LINGO2: variants seen among roughly 807,000 people sequenced by gnomAD.
LINGO2 encodes leucine-rich repeat and immunoglobulin-like domain-containing nogo receptor-interacting protein 2.
In LINGO2, 14 loss-of-function variants were observed where a neutral mutation model predicts 30.6. The observed-to-expected ratio is 0.46, with a 90% confidence interval of 0.30 to 0.72. LINGO2 has a LOEUF of 0.72. LINGO2 is among the 30% of genes least tolerant of loss of function. The probability of loss-of-function intolerance (pLI) is 0.07; values close to 1 mark genes in which losing one functional copy is unlikely to be tolerated. For missense variants in LINGO2, 729 were observed against 751.7 expected, an observed-to-expected ratio of 0.97 and a Z score of 0.35; for synonymous variants, 317 against 288.5, an observed-to-expected ratio of 1.10 and a Z score of -1.00.
chr9:28,263,455 A>G (rs1327248336), intron 4 of LINGO2, among the ~76,000 whole-genome samples: 1 of 152,018 alleles, frequency 6.6e-6, no homozygotes, highest in East Asian at 1.9e-4. Flanking sequence ...GGACGTGTAC[A>G]TGAGAAAGCA....
chr9:29,098,305 C>T, the LINGO2 span, among the ~76,000 whole-genome samples: 2 of 152,090 alleles, frequency 1.3e-5, no homozygotes, highest in African/African-American at 2.4e-5. Context: ...ACTGCTTACA[C>T]TTTAATTATT....
Position 28,148,952 on chromosome 9 carries a change from C to T in LINGO2, c.-86-136547G>A. 6.5e-7 allele frequency: 1 copy of T among 1,534,084 alleles called. No homozygotes were observed. Among genetic ancestry groups the T allele is most frequent in the Admixed American group, 2.0e-5 (1 of 51,002 alleles). On this transcript the variant is annotated intron_variant, in intron 4 of 5. Transcript: ENST00000379992. The surrounding 1 kb of genome is among the most constrained non-coding windows in gnomAD (Gnocchi z 5.1). The stretch of plus-strand genomic sequence containing the variant: ...ACACAGAGCTGCCGGCCACAGTTCC[C>T]ACAAAAGAAAACTGTCGGGGCCACC...
intron 2 of LINGO2, among the ~76,000 whole-genome samples, chr9:28,446,291 ATG>A (rs1200136989): frequency 6.6e-6 from 1 of 152,172 alleles, no homozygotes; most frequent in African/African-American, 2.4e-5. Context: ...TGAATTGCAC[ATG>A]TCTCTCCATT....
intron 1 of LINGO2, among the ~76,000 whole-genome samples, chr9:28,655,330 A>T (rs758331924): frequency 6.6e-6 from 1 of 152,042 alleles, no homozygotes; most frequent in Non-Finnish European, 1.5e-5. Flanking sequence ...TCTTTACCCA[A>T]TGCCTGCACC....
chr9:28,782,031 G>A, the LINGO2 span, among the ~76,000 whole-genome samples: 1 of 152,052 alleles, frequency 6.6e-6, no homozygotes, highest in Non-Finnish European at 1.5e-5. Flanking sequence ...GTTGGAATGA[G>A]GAATAATTGA....
At chr9:28,897,965 A>G in the LINGO2 span, among the ~76,000 whole-genome samples, 129,410 of 151,956 alleles carry the variant, frequency 0.85, 55,280 homozygotes, top group Non-Finnish European at 0.89. Flanking sequence ...CTTGTAAGCT[A>G]GTTCTTCATC....
intron 2 of LINGO2, among the ~76,000 whole-genome samples, chr9:28,423,682 C>T (rs1477248346): frequency 6.6e-6 from 1 of 151,934 alleles, no homozygotes; most frequent in Non-Finnish European, 1.5e-5. Flanking sequence ...GTGAAGAAAA[C>T]TGAATTTACT....
chr9:28,159,573 A>T (rs186219516), intron 4 of LINGO2, among the ~76,000 whole-genome samples: 2 of 152,132 alleles, frequency 1.3e-5, no homozygotes, highest in African/African-American at 2.4e-5. Flanking sequence ...TTTATCTTAG[A>T]TAATTGCTTT....
chr9:28,456,341 A>G lies in LINGO2; in HGVS notation c.-279+19599T>C, dbSNP rs73437479. ...TCTTCCTCCAACCTGAGTTGCTTCT[A>G]TACTGGATTGACTCATTTACAGCCT... On this transcript the variant is annotated intron_variant, in intron 2 of 5. Coordinates refer to ENST00000379992, the Ensembl canonical transcript of LINGO2. 1.3e-3 allele frequency among the ~76,000 whole-genome samples: 197 copies of G among 152,316 alleles called. 1 individual carries two copies. Among genetic ancestry groups the G allele is most frequent in the African/African-American group, 4.4e-3 (185 of 41,582 alleles).
At chr9:28,416,973 C>T (rs906722259) in intron 2 of LINGO2, among the ~76,000 whole-genome samples, 2 of 152,082 alleles carry the variant, frequency 1.3e-5, no homozygotes, top group East Asian at 1.9e-4. Context: ...TATACCCTTA[C>T]AGCCCTTTAG....
intron 1 of LINGO2, among the ~76,000 whole-genome samples, chr9:28,596,740 C>T (rs1378906471): frequency 6.6e-6 from 1 of 152,140 alleles, no homozygotes; most frequent in African/African-American, 2.4e-5. Flanking sequence ...TTGATGAATA[C>T]ATAATATACA....
intron 5 of LINGO2, among the ~76,000 whole-genome samples, chr9:28,001,637 G>A (rs1330996996): frequency 6.6e-6 from 1 of 151,972 alleles, no homozygotes; most frequent in Admixed American, 6.6e-5. Flanking sequence ...TTGTTCCGGG[G>A]AAAAGATAGG....
At chr9:28,416,558 T>A (rs1279088631) in intron 2 of LINGO2, among the ~76,000 whole-genome samples, 5 of 152,186 alleles carry the variant, frequency 3.3e-5, no homozygotes, top group Non-Finnish European at 7.3e-5. Flanking sequence ...AAACTCAAGA[T>A]TACAAAGTGT....
At chr9:28,936,856 G>C in the LINGO2 span, among the ~76,000 whole-genome samples, 3 of 152,062 alleles carry the variant, frequency 2.0e-5, no homozygotes, top group Non-Finnish European at 2.9e-5. Flanking sequence ...TTTTCTTATA[G>C]TCCTGGAGGC....
At chr9:28,180,407 A>T (rs1328066619) in intron 4 of LINGO2, among the ~76,000 whole-genome samples, 1 of 152,190 alleles carries the variant, frequency 6.6e-6, no homozygotes, top group African/African-American at 2.4e-5. Flanking sequence ...TGAAAGCTAC[A>T]AGTGTGTGAA....
At chr9:28,692,019 G>A in the LINGO2 span, among the ~76,000 whole-genome samples, 10 of 152,138 alleles carry the variant, frequency 6.6e-5, no homozygotes, top group African/African-American at 2.4e-4. Flanking sequence ...TCCAATGCTT[G>A]TGTTCTGAAT....
chr9:28,576,922 A>T (rs1022624053), intron 1 of LINGO2, among the ~76,000 whole-genome samples: 2 of 152,192 alleles, frequency 1.3e-5, no homozygotes, highest in African/African-American at 2.4e-5. Flanking sequence ...AGAACTGCAA[A>T]ATTTTTTAAA....
At chr9:28,201,144 G>C (rs1278837703) in intron 4 of LINGO2, among the ~76,000 whole-genome samples, 4 of 149,394 alleles carry the variant, frequency 2.7e-5, no homozygotes, top group South Asian at 2.1e-4. Context: ...AGTTACCTAT[G>C]TATACATGTG....
chr9:29,165,043 T>A, the LINGO2 span, among the ~76,000 whole-genome samples: 1 of 152,108 alleles, frequency 6.6e-6, no homozygotes, highest in African/African-American at 2.4e-5. Flanking sequence ...CTTCTTTTGG[T>A]TATTACTATT....
Sources: allele counts gnomAD v4.1 joint callset (sites outside exome capture counted in the v4.1 genomes callset), GRCh38; gene constraint gnomAD v4.1.1; non-coding constraint Gnocchi (gnomAD v3.1); transcripts MANE v1.5; gene names NCBI Gene and HGNC (gene_info 2026-07-23, HGNC 2026-07-21).